Variants in RNF121 observed in about 807,000 individuals in gnomAD.
RNF121 encodes the protein E3 ubiquitin ligase RNF121.
A neutral mutation model predicts 46.5 loss-of-function variants in RNF121; 21 were observed. That is an observed-to-expected ratio of 0.45 (90% CI 0.32 to 0.65). The LOEUF (loss-of-function observed/expected upper bound fraction) is 0.65, where lower values mean the gene tolerates loss of function less well. RNF121 is among the 30% of genes least tolerant of loss of function. RNF121 has a pLI of 0.04. For synonymous variants in RNF121, 139 were observed against 144.7 expected (o/e 0.96, Z 0.28); for missense variants, 346 against 416.0 (o/e 0.83, Z 1.46).
At chr11:71,942,068 G>A (rs1953583819) in intron 1 of RNF121, among the ~76,000 whole-genome samples, 1 of 151,822 alleles carries the variant, frequency 6.6e-6, no homozygotes, top group Non-Finnish European at 1.5e-5. Flanking sequence ...GAGTAGCTGG[G>A]ACTACAGGTG....
chr11:71,931,981 A>G (rs1442456122), intron 1 of RNF121, among the ~76,000 whole-genome samples: 4 of 152,136 alleles, frequency 2.6e-5, no homozygotes, highest in Non-Finnish European at 5.9e-5. Context: ...TATATTCAGG[A>G]TATTATACCT....
At chr11:71,931,478 G>A (rs2155142) in intron 1 of RNF121, among the ~76,000 whole-genome samples, 142,877 of 152,240 alleles carry the variant, frequency 0.94, 67,221 homozygotes, top group Non-Finnish European at 0.98. Context: ...TTGGTATTCA[G>A]GTTTCTACTA....
intron 8 of RNF121, 137 bp from the exon 9 acceptor site, chr11:71,996,058 C>G (rs1013955176): frequency 4.6e-6 from 5 of 1,080,298 alleles, no homozygotes; most frequent in Admixed American, 4.8e-5. Context: ...AGGCTGGGCC[C>G]TTCCAGAAAG....
intron 1 of RNF121, among the ~76,000 whole-genome samples, chr11:71,931,841 CT>C (rs1158423121): frequency 6.6e-6 from 1 of 152,122 alleles, no homozygotes; most frequent in African/African-American, 2.4e-5. Flanking sequence ...ATATTGCCCC[CT>C]GTGTAGCACT....
chr11:71,961,899 C>T (rs1954141966), intron 3 of RNF121, among the ~76,000 whole-genome samples: 1 of 152,066 alleles, frequency 6.6e-6, no homozygotes, highest in African/African-American at 2.4e-5. Flanking sequence ...AGTGAAAGCC[C>T]CCTTGGCATT....
intron 1 of RNF121, among the ~76,000 whole-genome samples, chr11:71,941,184 A>G (rs918018421): frequency 3.3e-5 from 5 of 152,222 alleles, no homozygotes; most frequent in African/African-American, 1.2e-4. Context: ...GGTTGGAAAA[A>G]GGAGAATAAA....
At chr11:71,975,299 G>T (rs954515667) in intron 3 of RNF121, among the ~76,000 whole-genome samples, 1 of 152,200 alleles carries the variant, frequency 6.6e-6, no homozygotes, top group Admixed American at 6.5e-5. Flanking sequence ...TGTAGCTGTG[G>T]TATCTTTATC....
At chr11:71,953,346 C>CT (rs1359159080) in intron 1 of RNF121, among the ~76,000 whole-genome samples, 2 of 152,150 alleles carry the variant, frequency 1.3e-5, no homozygotes, top group Non-Finnish European at 2.9e-5. Context: ...GAATAGCACA[C>CT]TTTAAATGGG....
chr11:71,950,541 G>GC (rs1378764423), intron 1 of RNF121, among the ~76,000 whole-genome samples: 1 of 151,572 alleles, frequency 6.6e-6, no homozygotes, highest in Non-Finnish European at 1.5e-5. Flanking sequence ...CCGAGATCAT[G>GC]CCATCGCACT....
chr11:71,968,972 G>C (rs1047238740), intron 3 of RNF121, among the ~76,000 whole-genome samples: 9 of 146,102 alleles, frequency 6.2e-5, no homozygotes, highest in Non-Finnish European at 8.9e-5. Context: ...TGCAACCTCC[G>C]CCTCTTGGGT....
chr11:71,986,939 G>C, intron 4 of RNF121, 65 bp from the exon 5 acceptor site: 1 of 920,124 alleles, frequency 1.1e-6, no homozygotes, highest in Non-Finnish European at 1.8e-6. Context: ...AAGGATTCTG[G>C]TGATCAGGAC....
At chr11:71,958,600 C>T (rs1219538777) in intron 2 of RNF121, among the ~76,000 whole-genome samples, 1 of 152,216 alleles carries the variant, frequency 6.6e-6, no homozygotes, top group East Asian at 1.9e-4. Flanking sequence ...GTAGCTCCCA[C>T]CTGTAATCCC....
intron 3 of RNF121, among the ~76,000 whole-genome samples, chr11:71,964,469 A>T (rs1049568585): frequency 1.3e-5 from 2 of 150,870 alleles, no homozygotes; most frequent in Admixed American, 1.3e-4. Context: ...TTCCAATTGG[A>T]TACCTTTTTT....
chr11:71,929,172 G>A, intron 1 of RNF121, 48 bp downstream of exon 1: 1 of 1,533,140 alleles, frequency 6.5e-7, no homozygotes, highest in South Asian at 1.2e-5. Context: ...AGACTGAGGG[G>A]AGGGGCAGTG....
intron 5 of RNF121, among the ~76,000 whole-genome samples, chr11:71,987,706 A>T (rs1954796378): frequency 6.6e-6 from 1 of 152,338 alleles, no homozygotes; most frequent in South Asian, 2.1e-4. Flanking sequence ...CTGGCCCTTT[A>T]TAGGAAAAGT....
chr11:71,953,449 T>A (rs7115513), intron 1 of RNF121, among the ~76,000 whole-genome samples: 140,736 of 152,298 alleles, frequency 0.92, 65,288 homozygotes, highest in Non-Finnish European at 0.98. Context: ...CAATTTGTGA[T>A]TGTGAGTGCT....
intron 3 of RNF121, among the ~76,000 whole-genome samples, chr11:71,975,839 A>G (rs1954515784): frequency 6.6e-6 from 1 of 152,232 alleles, no homozygotes; most frequent in Non-Finnish European, 1.5e-5. Context: ...AGTTGGACCC[A>G]GAGACAGAAG....
chr11:71,933,900 G>A (rs1953335534), intron 1 of RNF121, among the ~76,000 whole-genome samples: 1 of 152,182 alleles, frequency 6.6e-6, no homozygotes, highest in African/African-American at 2.4e-5. Flanking sequence ...CTGCCTAATG[G>A]TATATGCTTT....
chr11:71,965,160 T>G (rs1565151831), intron 3 of RNF121, among the ~76,000 whole-genome samples: 3 of 152,200 alleles, frequency 2.0e-5, no homozygotes, highest in Non-Finnish European at 4.4e-5. Context: ...TGACATCCAT[T>G]AGGTTCTGCG....
Sources: allele counts gnomAD v4.1 joint callset (sites outside exome capture counted in the v4.1 genomes callset), GRCh38; gene constraint gnomAD v4.1.1; transcripts MANE v1.5; gene names NCBI Gene and HGNC (gene_info 2026-07-23, HGNC 2026-07-21).